The following CSNK1G2 variants were observed in gnomAD, a reference collection of about 807,000 sequenced individuals.
CSNK1G2 encodes casein kinase I isoform gamma-2.
CSNK1G2 carries 11 observed loss-of-function variants against 48.0 expected under a neutral mutation model. The observed-to-expected ratio is 0.23, with a 90% CI of 0.14 to 0.38. The LOEUF is 0.38. CSNK1G2 is among the 10% of genes least tolerant of loss of function. CSNK1G2 has a pLI of 1.00. For missense variants in CSNK1G2, 446 were observed against 595.5 expected (o/e 0.75, Z 2.61); for synonymous variants, 337 against 254.1 (o/e 1.33, Z -3.10).
At position 1,969,723 on chromosome 19, in the gene CSNK1G2, A is replaced by C; in HGVS notation, c.-50A>C. On this transcript the variant is annotated 5_prime_UTR_variant, in exon 2 of 12. Coordinates refer to ENST00000255641, the MANE Select transcript of CSNK1G2 (RefSeq NM_001319.7). ...GACCTCAGGTTTCCAGAGACTTGGGATTTGCACGGCAGCAGAGTCACCGTG... is the reference window on the plus strand; with the variant it reads ...GACCTCAGGTTTCCAGAGACTTGGGCTTTGCACGGCAGCAGAGTCACCGTG... 1 of 1,247,006 alleles carries C rather than the reference A, an allele frequency of 8.0e-7. No individual in the cohort carries two copies. The allele number at this position is 1,247,006 out of a possible 1,614,324, so 77.2% of individuals were successfully genotyped here.
At position 1,959,869 on chromosome 19, in the gene CSNK1G2, G is replaced by A. The variant is rs12984320; in HGVS notation, c.-265-9639G>A. Among the ~76,000 whole-genome samples the A allele has an allele frequency of 9.1e-5, 8 of 87,568 alleles. 1 individual carries two copies. The South Asian group carries it at 2.3e-3, about 26-fold the overall frequency. The allele number at this position is 87,568 out of a possible 152,430, so 57.4% of individuals were successfully genotyped here. A position where few individuals can be genotyped will look rare whatever the true frequency, so the allele number is the denominator to read the frequency against. On this transcript the variant is annotated intron_variant, in intron 1 of 11. Transcript: ENST00000255641. ...CACCTGTGCCACCTTTAGTGCCACC[G>A]TGGGTCCCCCAGCACCCGCCCCACC...
At chr19:1,960,264 C>T (rs1273475777) in intron 1 of CSNK1G2, among the ~76,000 whole-genome samples, 5 of 152,224 alleles carry the variant, frequency 3.3e-5, no homozygotes, top group Non-Finnish European at 7.3e-5. Context: ...TGGCGCCTGC[C>T]CCTTCCCCCT....
rs1275638602 is a variant in CSNK1G2, at chr19:1,957,404, C to G, written c.-265-12104C>G. Reference sequence around the variant, plus strand: ...GGGATGCACCAGGCGCTCGTGCAAACCAAGTGCTGAGCAGAGAGCAGCCTG... The same window carrying G: ...GGGATGCACCAGGCGCTCGTGCAAAGCAAGTGCTGAGCAGAGAGCAGCCTG... On this transcript the variant is annotated intron_variant, in intron 1 of 11. Coordinates refer to ENST00000255641, the MANE Select transcript of CSNK1G2 (RefSeq NM_001319.7). This position sits in a 1 kb window ranked among gnomAD's most constrained non-coding sequence, Gnocchi z 5.4. Among the ~76,000 whole-genome samples the G allele has an allele frequency of 6.6e-6, 1 of 152,352 alleles. No individual in the cohort carries two copies.
rs143970128 is a variant in CSNK1G2 at position 1,979,570 on chromosome 19, A to G, written c.929A>G (p.Lys310Arg). ...FEKPDYDYLR[K>R]LFTDLFDRSG... ...AAGCCCGACTATGACTACCTGCGGA[A>G]GCTCTTCACCGACCTCTTCGACCGC... The change falls in exon 9 of 12, where the codon AAG (lysine) becomes AGG (arginine). Residue 310 changes from lysine to arginine, a missense_variant. Around this residue, in one of 2 missense-constraint regions of CSNK1G2, gnomAD observed 188 missense variants for 179.6 expected, o/e 1.05. Transcript: ENST00000255641. 1.4e-5 allele frequency: 22 copies of G among 1,608,632 alleles called. No homozygotes were observed. The African/African-American group carries it at 2.9e-4, about 22-fold the overall frequency.
chr19:1,961,262 C>T (rs988595665), intron 1 of CSNK1G2, among the ~76,000 whole-genome samples: 7 of 152,170 alleles, frequency 4.6e-5, no homozygotes, highest in East Asian at 3.9e-4. Flanking sequence ...GTGGAGGGGG[C>T]GGTCCCCATG....
rs377071204 is a variant in CSNK1G2 at position 1,979,763 on chromosome 19, C to A, written c.1014C>A (p.Ile338=). ...DWAGKPLPTP[I]GTVHTDLPSQ... ...TCCCTCACCCACAGCCGACCCCCAT[C>A]GGCACCGTCCACACCGACCTGCCCT... Residue 338 remains isoleucine (I), a synonymous_variant, in exon 10 of 12, where the codon ATC becomes ATA. Coordinates refer to ENST00000255641, the MANE Select transcript of CSNK1G2 (RefSeq NM_001319.7). 2 of 1,606,034 alleles carry A rather than the reference C, an allele frequency of 1.2e-6. No individual in the cohort carries two copies. Among genetic ancestry groups the A allele is most frequent in the Non-Finnish European group, 1.7e-6 (2 of 1,179,138 alleles).
In CSNK1G2 at chr19:1,979,321, C is replaced by T. The variant is rs747657577; in HGVS notation, c.771C>T (p.Ala257=). 3.1e-6 allele frequency: 5 copies of T among 1,600,396 alleles called. No homozygotes were observed. The highest frequency in any genetic ancestry group is 2.3e-5 in the South Asian group (2 of 88,722). ...AGGCTGACCACAGACCCCCGCAGGC[C>T]GACACGCTCAAGGAGCGGTACCAGA... ...RGSLPWQGLK[A]DTLKERYQKI... is the part of the protein sequence containing the mutation. The change falls in exon 8 of 12, where the codon GCC becomes GCT. Residue 257 remains alanine, a splice_region_variant and synonymous_variant. Coordinates refer to ENST00000255641, the MANE Select transcript of CSNK1G2 (RefSeq NM_001319.7).
At chr19:1,965,446 G>A (rs1599311833) in intron 1 of CSNK1G2, among the ~76,000 whole-genome samples, 1 of 151,832 alleles carries the variant, frequency 6.6e-6, no homozygotes, top group African/African-American at 2.4e-5. Context: ...TGTAGCCTGT[G>A]GATCAATGAA....
chr19:1,944,309 G>C (rs1407585487), intron 1 of CSNK1G2, among the ~76,000 whole-genome samples: 1 of 152,158 alleles, frequency 6.6e-6, no homozygotes, highest in Non-Finnish European at 1.5e-5. Context: ...CTGCAGTCTG[G>C]AGGCTCCCTA....
chr19:1,979,142 G>A (rs2015874993), intron 6 of CSNK1G2, 21 bp from the exon 7 acceptor site: 42 of 1,543,062 alleles, frequency 2.7e-5, no homozygotes, highest in Non-Finnish European at 3.7e-5. Context: ...CCCCGCTGAG[G>A]CTGCGCCCCT....
At chr19:1,945,233 G>A (rs771748370) in intron 1 of CSNK1G2, among the ~76,000 whole-genome samples, 4 of 152,350 alleles carry the variant, frequency 2.6e-5, no homozygotes, top group East Asian at 3.9e-4. Context: ...TGTGTCCTGG[G>A]CCCACAGGGG....
At chr19:1,944,863 G>A (rs543650007) in intron 1 of CSNK1G2, among the ~76,000 whole-genome samples, 1 of 152,344 alleles carries the variant, frequency 6.6e-6, no homozygotes, top group Admixed American at 6.5e-5. Context: ...GGCGGGCGGG[G>A]CCCAGTGAGC....
rs749617327 is a variant in CSNK1G2 at position 1,979,985 on chromosome 19, G to T, written c.1161G>T (p.Ala387=). 4.8e-5 allele frequency: 76 copies of T among 1,586,288 alleles called. No individual in the cohort carries two copies. Among genetic ancestry groups the T allele is most frequent in the Non-Finnish European group, 6.2e-5 (72 of 1,165,306 alleles). The change falls in exon 11 of 12, where the codon GCG becomes GCT. Residue 387 remains alanine (A), a synonymous_variant. Transcript: ENST00000255641. The part of the protein sequence containing the change: ...TAGHSNAPIT[A]PAEVEVADET... Reference sequence around the variant, plus strand: ...GCCACTCCAACGCCCCGATCACAGCGCCTGCAGAGGTGGAGGTGGCCGATG... The same window carrying T: ...GCCACTCCAACGCCCCGATCACAGCTCCTGCAGAGGTGGAGGTGGCCGATG...
Position 1,979,419 on chromosome 19 carries a change from G to A in CSNK1G2, c.853+16G>A, listed in dbSNP as rs770511168. On this transcript the variant is annotated intron_variant, in intron 8 of 11. Coordinates refer to ENST00000255641, the MANE Select transcript of CSNK1G2 (RefSeq NM_001319.7). The stretch of plus-strand genomic sequence containing the variant: ...AACTTCCCAGGTAAGGGGTCCCTGC[G>A]CCCCCGCCCTGTGCCCCCCACCCCC... The A allele has an allele frequency of 1.6e-5, 24 of 1,546,370 alleles. No individual in the cohort carries two copies. Among genetic ancestry groups the A allele is most frequent in the Non-Finnish European group, 1.9e-5 (22 of 1,145,338 alleles).
At chr19:1,943,043 C>T (rs917303262) in intron 1 of CSNK1G2, among the ~76,000 whole-genome samples, 38 of 152,086 alleles carry the variant, frequency 2.5e-4, no homozygotes, top group African/African-American at 8.9e-4. Context: ...GAACGGGAGA[C>T]CTGCATGCAG....
chr19:1,945,336 C>T lies in CSNK1G2; in HGVS notation c.-266+3918C>T, dbSNP rs181586885. ...GGTGCGGCTGACTGTTCGGGGCACG[C>T]GTCTGAGGTGTGGGGATCATCTCCC... is the stretch of plus-strand genomic sequence containing the variant. On this transcript the variant is annotated intron_variant, in intron 1 of 11. Coordinates refer to ENST00000255641, the MANE Select transcript of CSNK1G2 (RefSeq NM_001319.7). Among the ~76,000 whole-genome samples, 45 of 152,308 alleles carry T rather than the reference C, an allele frequency of 3.0e-4. No homozygotes were observed. The East Asian group carries it at 7.7e-3, about 26-fold the overall frequency.
intron 1 of CSNK1G2, among the ~76,000 whole-genome samples, chr19:1,946,992 G>A (rs1211990600): frequency 6.6e-6 from 1 of 152,136 alleles, no homozygotes; most frequent in Non-Finnish European, 1.5e-5. Flanking sequence ...GACCTCAGGT[G>A]ATCCACCTGC....
chr19:1,950,420 T>C lies in CSNK1G2; in HGVS notation c.-266+9002T>C, dbSNP rs79757824. Among the ~76,000 whole-genome samples, 387 of 147,278 alleles carry C rather than the reference T, an allele frequency of 2.6e-3. 69 individuals carry two copies. The highest frequency in any genetic ancestry group is 9.3e-3 in the African/African-American group (361 of 38,798). On this transcript the variant is annotated intron_variant, in intron 1 of 11. Coordinates refer to ENST00000255641, the MANE Select transcript of CSNK1G2 (RefSeq NM_001319.7). Reference sequence around the variant, plus strand: ...TCCCAAAGTGCTGGGATTACAGGCGTGAGCCACCGCGCCTGGCCATCAATG... The same window carrying C: ...TCCCAAAGTGCTGGGATTACAGGCGCGAGCCACCGCGCCTGGCCATCAATG...
chr19:1,960,165 G>C (rs2015151212), intron 1 of CSNK1G2, among the ~76,000 whole-genome samples: 1 of 152,216 alleles, frequency 6.6e-6, no homozygotes, highest in Non-Finnish European at 1.5e-5. Context: ...ACAGGGGCGT[G>C]TAGGAAGAAA....
Sources: allele counts gnomAD v4.1 joint callset (sites outside exome capture counted in the v4.1 genomes callset), GRCh38; gene constraint gnomAD v4.1.1; regional missense constraint gnomAD v4.1.1; non-coding constraint Gnocchi (gnomAD v3.1); transcripts MANE v1.5; gene names NCBI Gene and HGNC (gene_info 2026-07-23, HGNC 2026-07-21).